The following SEPTIN8 variants were observed in gnomAD, a reference collection of about 807,000 sequenced individuals.
SEPTIN8 encodes the protein septin 8.
Under a neutral mutation model 53.1 loss-of-function variants are expected in SEPTIN8, and 22 were observed. The observed-to-expected ratio is 0.41, with a 90% CI of 0.30 to 0.59. The LOEUF is 0.59. SEPTIN8 is among the 20% of genes least tolerant of loss of function. The pLI is 0.24. For synonymous variants in SEPTIN8, 228 were observed against 248.4 expected, an observed-to-expected ratio of 0.92 and a Z score of 0.77; for missense variants, 536 against 638.7, an observed-to-expected ratio of 0.84 and a Z score of 1.73.
chr5:132,767,618 A>T (rs540436493), intron 1 of SEPTIN8, among the ~76,000 whole-genome samples: 2 of 152,202 alleles, frequency 1.3e-5, no homozygotes, highest in South Asian at 4.1e-4. Context: ...AACATGCTGG[A>T]CAATGCTACC....
rs1186687377 is a variant in SEPTIN8, at chr5:132,764,310, G to A, written c.261C>T (p.Thr87=). The A allele has an allele frequency of 6.2e-7, 1 of 1,614,188 alleles. No individual in the cohort carries two copies. The highest frequency in any genetic ancestry group is 1.1e-5 in the South Asian group (1 of 91,086). ...GCACGTTGCTCTCCTGGAGGTCATAGGTCTGGGGCCGCAGGCGCACGCATG... is the reference window on the plus strand; with the variant it reads ...GCACGTTGCTCTCCTGGAGGTCATAAGTCTGGGGCCGCAGGCGCACGCATG... ...HEACVRLRPQ[T]YDLQESNVQL... The change falls in exon 3 of 10, where the codon ACC becomes ACT. Residue 87 remains threonine, a synonymous_variant. Coordinates refer to ENST00000378719, the MANE Select transcript of SEPTIN8 (RefSeq NM_001098811.2).
At chr5:132,768,502 C>T (rs947957967) in intron 1 of SEPTIN8, among the ~76,000 whole-genome samples, 31 of 152,210 alleles carry the variant, frequency 2.0e-4, no homozygotes, top group African/African-American at 4.1e-4. Context: ...CTCCAGGGTG[C>T]CTGCTCCAGG....
chr5:132,760,404 G>A lies in SEPTIN8; in HGVS notation c.1286+398C>T, dbSNP rs766365690. ...GCCCTCTCCACGCTGCTCCTCACCC[G>A]TGCAGCCCCACCTTCACCACGCTGC... On this transcript the variant is annotated intron_variant, in intron 9 of 9. Transcript: ENST00000378719. This position sits in a 1 kb window ranked among gnomAD's most constrained non-coding sequence, Gnocchi z 5.2. Among the ~76,000 whole-genome samples the A allele has an allele frequency of 1.3e-5, 2 of 152,084 alleles. No individual in the cohort carries two copies. The highest frequency in any genetic ancestry group is 2.9e-5 in the Non-Finnish European group (2 of 68,030).
rs777214735 is a variant in SEPTIN8, at chr5:132,764,333, A to C, written c.238T>G (p.Cys80Gly). The change falls in exon 3 of 10, where the codon TGC (cysteine) becomes GGC (glycine). Residue 80 changes from cysteine to glycine, a missense_variant. By Grantham distance (159) the Cys-to-Gly change is radical (BLOSUM62 -3). Around this residue, in one of 3 missense-constraint regions of SEPTIN8, gnomAD observed 395 missense variants for 451.8 expected, o/e 0.87. Coordinates refer to ENST00000378719, the MANE Select transcript of SEPTIN8 (RefSeq NM_001098811.2). ...TAGGTCTGGGGCCGCAGGCGCACGC[A>C]TGCCTCATGGTGACTGGCTTCCTCA... ...ETEEASHHEA[C>G]VRLRPQTYDL... 6.2e-7 allele frequency: 1 copy of C among 1,614,126 alleles called. No individual in the cohort carries two copies. The highest frequency in any genetic ancestry group is 1.1e-5 in the South Asian group (1 of 91,064).
chr5:132,777,243 T>C, upstream of SEPTIN8: 1 of 1,143,516 alleles, frequency 8.7e-7, no homozygotes, highest in Non-Finnish European at 1.1e-6. This position sits in a 1 kb window ranked among gnomAD's most constrained non-coding sequence, Gnocchi z 4.1. Context: ...GCTGAATGGA[T>C]CCAATATGGC....
At chr5:132,758,377 C>T (rs1755540037) in intron 9 of SEPTIN8, 3 of 1,429,038 alleles carry the variant, frequency 2.1e-6, no homozygotes, top group Non-Finnish European at 2.7e-6. Context: ...ATGAGGGGAA[C>T]TGGGTGAATT....
At chr5:132,759,940 A>G (rs1755723593) in intron 9 of SEPTIN8, among the ~76,000 whole-genome samples, 1 of 152,056 alleles carries the variant, frequency 6.6e-6, no homozygotes, top group Non-Finnish European at 1.5e-5. Flanking sequence ...TCCCCACCTG[A>G]CTACTCCGTT....
chr5:132,771,643 G>A (rs1256431479), intron 1 of SEPTIN8, among the ~76,000 whole-genome samples: 1 of 152,176 alleles, frequency 6.6e-6, no homozygotes, highest in Non-Finnish European at 1.5e-5. Flanking sequence ...CCATGTTCCT[G>A]GCACAAACTA....
In SEPTIN8 at chr5:132,761,676, A is replaced by G. The variant is rs73787069; in HGVS notation, c.794-50T>C. 1.1e-3 allele frequency: 1,796 copies of G among 1,604,418 alleles called. 24 individuals carry two copies. The African/African-American group carries it at 0.02, about 18-fold the overall frequency. On this transcript the variant is annotated intron_variant, in intron 6 of 9. Transcript: ENST00000378719. The surrounding 1 kb of genome is among the most constrained non-coding windows in gnomAD (Gnocchi z 5.8). ...ATCAGGCAGGCATGCAGGCGGGCAC[A>G]CTCCAGAGTCAGGGTAGGCACGCAG...
chr5:132,762,656 C>T lies in SEPTIN8; in HGVS notation c.535-11G>A. On this transcript the variant is annotated splice_polypyrimidine_tract_variant and intron_variant, in intron 4 of 9. Transcript: ENST00000378719. ...GGGAATAATGTTCACCTGCCAGGAT[C>T]AGGGGAGGGGACAGCAGGCTGGTTG... 1 of 1,614,092 alleles carries T rather than the reference C, an allele frequency of 6.2e-7. No individual in the cohort carries two copies. Among genetic ancestry groups the T allele is most frequent in the Non-Finnish European group, 8.5e-7 (1 of 1,179,962 alleles).
At chr5:132,775,981 A>T (rs781025715) in intron 1 of SEPTIN8, 10 of 152,244 alleles carry the variant, frequency 6.6e-5, no homozygotes, top group Admixed American at 3.9e-4. Flanking sequence ...ACATTTCCAA[A>T]GTAGAATAAG....
intron 1 of SEPTIN8, among the ~76,000 whole-genome samples, chr5:132,766,784 G>A (rs893824658): frequency 6.6e-6 from 1 of 152,058 alleles, no homozygotes; most frequent in Non-Finnish European, 1.5e-5. Flanking sequence ...AACCGACAGG[G>A]GGCCCTGACT....
chr5:132,751,138 G>C lies in SEPTIN8; in HGVS notation c.*878C>G. Reference sequence around the variant, plus strand: ...CAGTGAGGTGACGCACAAGGCTCATGACATACGGAAGAGTGAAAAGGTATC... The same window carrying C: ...CAGTGAGGTGACGCACAAGGCTCATCACATACGGAAGAGTGAAAAGGTATC... On this transcript the variant is annotated 3_prime_UTR_variant, in exon 10 of 10. Transcript: ENST00000378719. 1.2e-6 allele frequency: 1 copy of C among 863,398 alleles called. No homozygotes were observed. The highest frequency in any genetic ancestry group is 1.7e-6 in the Non-Finnish European group (1 of 573,200). 53.5% of individuals were successfully genotyped at this position (863,398 alleles called of 1,614,324 possible).
Position 132,761,382 on chromosome 5 carries a change from C to T in SEPTIN8, c.962+76G>A, listed in dbSNP as rs1429615275. The T allele has an allele frequency of 1.4e-5, 22 of 1,584,880 alleles. No homozygotes were observed. Among genetic ancestry groups the T allele is most frequent in the Non-Finnish European group, 1.7e-5 (20 of 1,167,934 alleles). On this transcript the variant is annotated intron_variant, in intron 7 of 9. Coordinates refer to ENST00000378719, the MANE Select transcript of SEPTIN8 (RefSeq NM_001098811.2). The surrounding 1 kb of genome is among the most constrained non-coding windows in gnomAD (Gnocchi z 5.8). ...ACGAGGGGTAAGAGGATGTGGGGTCCCTCAGGGAACAGATGCCAGGGTGGT... is the reference window on the plus strand; with the variant it reads ...ACGAGGGGTAAGAGGATGTGGGGTCTCTCAGGGAACAGATGCCAGGGTGGT...
chr5:132,777,666 G>A, upstream of SEPTIN8: 1 of 985,600 alleles, frequency 1.0e-6, no homozygotes, highest in Non-Finnish European at 1.2e-6. The surrounding 1 kb of genome is among the most constrained non-coding windows in gnomAD (Gnocchi z 4.1). Context: ...AATGTGCTGG[G>A]ACCACCAACC....
chr5:132,766,876 C>T (rs1176500081), intron 1 of SEPTIN8, among the ~76,000 whole-genome samples: 1 of 152,136 alleles, frequency 6.6e-6, no homozygotes, highest in African/African-American at 2.4e-5. Flanking sequence ...ACCCCTCTGG[C>T]CATCCTTCCC....
rs751092654 is a variant in SEPTIN8, at chr5:132,761,683, A to T, written c.794-57T>A. Reference sequence around the variant, plus strand: ...AGGCATGCAGGCGGGCACACTCCAGAGTCAGGGTAGGCACGCAGGTGGGCA... The same window carrying T: ...AGGCATGCAGGCGGGCACACTCCAGTGTCAGGGTAGGCACGCAGGTGGGCA... On this transcript the variant is annotated intron_variant, in intron 6 of 9. Transcript: ENST00000378719. This position sits in a 1 kb window ranked among gnomAD's most constrained non-coding sequence, Gnocchi z 5.8. The T allele has an allele frequency of 1.2e-4, 188 of 1,602,014 alleles. No individual in the cohort carries two copies. Among genetic ancestry groups the T allele is most frequent in the Middle Eastern group, 8.3e-4 (5 of 5,996 alleles).
Position 132,767,943 on chromosome 5 carries a change from C to CCACACACACACACACACACACACACA in SEPTIN8, c.31-2440_31-2415dup, listed in dbSNP as rs57640097. On this transcript the variant is annotated intron_variant, in intron 1 of 9. Transcript: ENST00000378719. ...CCACCAAGTCAGCTGTGTCTGGAAA[C>CCACACACACACACACACACACACACA]CACACACACACACACACACACACAC... is the stretch of plus-strand genomic sequence containing the variant. Among the ~76,000 whole-genome samples the CCACACACACACACACACACACACACA allele has an allele frequency of 6.3e-5, 8 of 127,908 alleles. No individual in the cohort carries two copies. The East Asian group carries it at 1.1e-3, about 18-fold the overall frequency. The allele number at this position is 127,908 out of a possible 152,430, so 83.9% of individuals were successfully genotyped here.
intron 9 of SEPTIN8, chr5:132,752,828 T>C (rs1446137669): frequency 8.4e-6 from 13 of 1,555,114 alleles, no homozygotes; most frequent in Non-Finnish European, 1.2e-5. Context: ...GAATGTATGA[T>C]GGTTCTGCTT....
Sources: gnomAD v4.1 joint callset for allele counts (sites outside exome capture counted in the v4.1 genomes callset) on GRCh38, gnomAD v4.1.1 for gene constraint, gnomAD v4.1.1 regional missense constraint, Gnocchi (gnomAD v3.1) non-coding constraint, MANE v1.5 for transcripts, NCBI Gene and HGNC (gene_info 2026-07-23, HGNC 2026-07-21) for gene names.